MCF2L: variants seen among roughly 807,000 people sequenced by gnomAD.
The protein encoded by MCF2L is guanine nucleotide exchange factor DBS.
MCF2L carries 97 observed loss-of-function variants against 153.4 expected under a neutral mutation model. The observed-to-expected ratio is 0.63, with a 90% CI of 0.54 to 0.75. The LOEUF (loss-of-function observed/expected upper bound fraction) is 0.75, where lower values mean the gene tolerates loss of function less well. Among genes scored for constraint, MCF2L ranks in the 30% least tolerant of loss-of-function variants. The pLI, the probability that MCF2L is intolerant of heterozygous loss-of-function variation, is 0.00. For missense variants in MCF2L, 1,347 were observed against 1,495.2 expected, an observed-to-expected ratio of 0.90 and a Z score of 1.64; for synonymous variants, 659 against 632.2, an observed-to-expected ratio of 1.04 and a Z score of -0.64.
intron 15 of MCF2L, among the ~76,000 whole-genome samples, chr13:113,080,251 AGAG>A (rs901189762): frequency 6.6e-6 from 1 of 151,820 alleles, no homozygotes; most frequent in Non-Finnish European, 1.5e-5. Flanking sequence ...GGGTCCAGGC[AGAG>A]GAGTGTCTGT....
At chr13:113,063,836 A>G (rs1473723764) in intron 5 of MCF2L, 1 of 411,114 alleles carries the variant, frequency 2.4e-6, no homozygotes, top group East Asian at 7.0e-5. Context: ...CACATCATCC[A>G]CTCTAATTTC....
In MCF2L at chr13:113,012,985, G is replaced by A. The variant is rs545972816; in HGVS notation, c.80-1778G>A. Among the ~76,000 whole-genome samples the A allele has an allele frequency of 5.3e-3, 803 of 151,490 alleles. 6 individuals carry two copies. The highest frequency in any genetic ancestry group is 0.018 in the African/African-American group (750 of 41,060). On this transcript the variant is annotated intron_variant, in intron 1 of 29. Transcript: ENST00000535094. Reference sequence around the variant, plus strand: ...CGGACGGTGGACAGGCGGTGTGGACGGTGGACACTGTGATGCGGACGGTGC... The same window carrying A: ...CGGACGGTGGACAGGCGGTGTGGACAGTGGACACTGTGATGCGGACGGTGC...
intron 12 of MCF2L, among the ~76,000 whole-genome samples, chr13:113,076,558 C>T (rs1226414144): frequency 6.6e-6 from 1 of 152,232 alleles, no homozygotes; most frequent in African/African-American, 2.4e-5. Flanking sequence ...AGCCACCGCA[C>T]CTGGCCCATT....
In MCF2L at chr13:113,031,500, G is replaced by A. The variant is rs2085721888; in HGVS notation, c.278+6742G>A. Reference sequence around the variant, plus strand: ...GTCTGGGAGGTGAGACAGGGTCTGTGGAGCCTTTTCTGAGGAGCTGTGTTT... The same window carrying A: ...GTCTGGGAGGTGAGACAGGGTCTGTAGAGCCTTTTCTGAGGAGCTGTGTTT... On this transcript the variant is annotated intron_variant, in intron 3 of 29. Coordinates refer to ENST00000535094, the MANE Select transcript of MCF2L (RefSeq NM_001112732.3). This position sits in a 1 kb window ranked among gnomAD's most constrained non-coding sequence, Gnocchi z 5.5. Among the ~76,000 whole-genome samples, 1 of 152,128 alleles carries A rather than the reference G, an allele frequency of 6.6e-6. No individual in the cohort carries two copies. Among genetic ancestry groups the A allele is most frequent in the Admixed American group, 6.5e-5 (1 of 15,274 alleles).
intron 1 of MCF2L, 36 bp from the exon 2 acceptor site, chr13:113,014,727 T>C (rs1294114646): frequency 6.3e-7 from 1 of 1,593,222 alleles, no homozygotes. Context: ...GGCAGCTTCC[T>C]GGGACTGACA....
chr13:113,097,609 A>C lies in MCF2L; in HGVS notation c.*750A>C, dbSNP rs2035759678. The C allele has an allele frequency of 6.6e-6, 1 of 152,164 alleles. No individual in the cohort carries two copies. The allele number at this position is 152,164 out of a possible 1,614,324, so 9.4% of individuals were successfully genotyped here. A position where few individuals can be genotyped will look rare whatever the true frequency, so the allele number is the denominator to read the frequency against. ...AGATTCCTTTATCTACCTAGGGTTC[A>C]TTTTCAAAAGAAAATTTAAACTATA... On this transcript the variant is annotated 3_prime_UTR_variant, in exon 30 of 30. Transcript: ENST00000535094.
chr13:113,045,322 C>T lies in MCF2L; in HGVS notation c.330C>T (p.Asp110=). 6.2e-7 allele frequency: 1 copy of T among 1,614,086 alleles called. No homozygotes were observed. The highest frequency in any genetic ancestry group is 8.5e-7 in the Non-Finnish European group (1 of 1,180,040). The part of the protein sequence containing the change: ...GFILVIDRRR[D]KWTSVKASVL... ...TCCTGGTGATAGACCGGCGACGGGA[C>T]AAATGGACCTCCGTGAAGGCGTCCG... The change falls in exon 4 of 30, where the codon GAC becomes GAT. Residue 110 remains aspartate, a synonymous_variant. Transcript: ENST00000535094. This position sits in a 1 kb window ranked among gnomAD's most constrained non-coding sequence, Gnocchi z 4.2.
At chr13:112,929,446 T>G (rs1410667312) in intron 2 of MCF2L, among the ~76,000 whole-genome samples, 4 of 152,240 alleles carry the variant, frequency 2.6e-5, no homozygotes, top group African/African-American at 9.6e-5. Flanking sequence ...ATTTATCTTT[T>G]ATCGGGATGG....
At chr13:113,023,227 G>A (rs1234900527) in intron 2 of MCF2L, among the ~76,000 whole-genome samples, 7 of 152,356 alleles carry the variant, frequency 4.6e-5, no homozygotes, top group Middle Eastern at 6.8e-3. Context: ...AGGAAGGAGC[G>A]AGGGAGAAAA....
At chr13:112,954,652 C>T (rs2081735772) in intron 2 of MCF2L, among the ~76,000 whole-genome samples, 1 of 152,128 alleles carries the variant, frequency 6.6e-6, no homozygotes, top group Non-Finnish European at 1.5e-5. Flanking sequence ...TGGGTGGGCT[C>T]AGGGTGTTTT....
intron 2 of MCF2L, among the ~76,000 whole-genome samples, chr13:113,024,402 G>T (rs949638638): frequency 2.0e-5 from 3 of 152,182 alleles, no homozygotes; most frequent in Admixed American, 6.5e-5. Context: ...GAATTGTCAC[G>T]GTAGCTGTCC....
chr13:113,072,357 G>A (rs552318362), intron 9 of MCF2L, among the ~76,000 whole-genome samples: 8 of 152,172 alleles, frequency 5.3e-5, no homozygotes, highest in Admixed American at 2.0e-4. Flanking sequence ...GCCCCACTGC[G>A]TACTGCCCCA....
chr13:112,965,471 G>C (rs1363450835), upstream of MCF2L: 1 of 152,242 alleles, frequency 6.6e-6, no homozygotes, highest in Non-Finnish European at 1.5e-5. Flanking sequence ...CACGGCTCCA[G>C]TGCATCCCTG....
intron 2 of MCF2L, among the ~76,000 whole-genome samples, chr13:112,925,116 A>G (rs1299309568): frequency 3.3e-5 from 5 of 152,372 alleles, no homozygotes; most frequent in South Asian, 2.1e-4. Context: ...AAGTAATCCA[A>G]TAGGCATATC....
At chr13:112,899,004 C>A (rs962497597) in intron 1 of MCF2L, among the ~76,000 whole-genome samples, 2 of 152,236 alleles carry the variant, frequency 1.3e-5, no homozygotes, top group Non-Finnish European at 2.9e-5. Context: ...GGTCTGCCCC[C>A]GCTTGGTGGT....
intron 15 of MCF2L, among the ~76,000 whole-genome samples, chr13:113,079,791 G>T (rs1394948708): frequency 6.6e-6 from 1 of 151,280 alleles, no homozygotes; most frequent in Non-Finnish European, 1.5e-5. Flanking sequence ...CTGCACGGAG[G>T]AGGGTCCAGG....
At chr13:112,994,391 C>G (rs889365078) in intron 1 of MCF2L, among the ~76,000 whole-genome samples, 6 of 152,166 alleles carry the variant, frequency 3.9e-5, no homozygotes, top group African/African-American at 1.4e-4. Flanking sequence ...GGACGTCAAG[C>G]TGACGTCACT....
intron 26 of MCF2L, among the ~76,000 whole-genome samples, chr13:113,091,588 G>A (rs1430778499): frequency 6.6e-6 from 1 of 150,512 alleles, no homozygotes; most frequent in Non-Finnish European, 1.5e-5. Flanking sequence ...GACACTTCCT[G>A]CTGGGAACAC....
intron 1 of MCF2L, among the ~76,000 whole-genome samples, chr13:112,898,166 C>T (rs951670004): frequency 2.6e-5 from 4 of 152,300 alleles, no homozygotes; most frequent in African/African-American, 7.2e-5. Context: ...CGGCGGGGAC[C>T]TTCCTATCTT....
Sources: gnomAD v4.1 joint callset for allele counts (sites outside exome capture counted in the v4.1 genomes callset) on GRCh38, gnomAD v4.1.1 for gene constraint, Gnocchi (gnomAD v3.1) non-coding constraint, MANE v1.5 for transcripts, NCBI Gene and HGNC (gene_info 2026-07-23, HGNC 2026-07-21) for gene names.